Variants in GFPT1 observed in about 807,000 individuals in gnomAD.
GFPT1 encodes glutamine--fructose-6-phosphate transaminase 1.
GFPT1 carries 40 observed loss-of-function variants against 92.0 expected under a neutral mutation model. The observed-to-expected ratio is 0.43, with a 90% CI of 0.34 to 0.57. The LOEUF (loss-of-function observed/expected upper bound fraction) is 0.57. Ranked by LOEUF, GFPT1 falls within the 20% of genes least tolerant of loss-of-function variation. The pLI, the probability that GFPT1 is intolerant of heterozygous loss-of-function variation, is 0.02. For missense variants in GFPT1, 448 were observed against 869.1 expected (o/e 0.52, Z 6.09); for synonymous variants, 269 against 280.6 (o/e 0.96, Z 0.41).
intron 1 of GFPT1, among the ~76,000 whole-genome samples, chr2:69,374,957 A>C (rs955934520): frequency 3.9e-5 from 6 of 152,252 alleles, no homozygotes; most frequent in Admixed American, 3.9e-4. Flanking sequence ...CTTGTTCATC[A>C]CATTAGCAAA....
intron 1 of GFPT1, among the ~76,000 whole-genome samples, chr2:69,375,139 T>C (rs1485650270): frequency 1.3e-5 from 2 of 152,242 alleles, no homozygotes; most frequent in Admixed American, 1.3e-4. Context: ...ATGGGCATTA[T>C]CTGAGGTTTT....
intron 16 of GFPT1, 29 bp downstream of exon 16, chr2:69,329,655 A>T: frequency 6.9e-7 from 1 of 1,439,246 alleles, no homozygotes; most frequent in Non-Finnish European, 9.8e-7. Context: ...CTTAGACAAC[A>T]AAAGTGTAAT....
At chr2:69,377,889 A>G (rs1225042403) in intron 1 of GFPT1, among the ~76,000 whole-genome samples, 3 of 152,242 alleles carry the variant, frequency 2.0e-5, no homozygotes, top group Non-Finnish European at 2.9e-5. Context: ...TTCATCAGGT[A>G]CACAGGGCAT....
chr2:69,370,613 A>G (rs1334480358), intron 2 of GFPT1, among the ~76,000 whole-genome samples: 1 of 152,214 alleles, frequency 6.6e-6, no homozygotes, highest in South Asian at 2.1e-4. Flanking sequence ...AAACAAGTGT[A>G]GGGAAAGAAC....
rs199678034 is a variant in GFPT1, at chr2:69,326,167, G to C, written c.*22C>G. The C allele has an allele frequency of 4.0e-6, 6 of 1,511,352 alleles. No individual in the cohort carries two copies. In the African/African-American group the frequency reaches 8.3e-5, roughly 21 times the overall value. The allele number at this position is 1,511,352 out of a possible 1,614,324, so 93.6% of individuals were successfully genotyped here. ...TTGTGTTGCTTAATCATACAGTTTC[G>C]TACATTTTGTATAGATATTCCTCAC... is the stretch of plus-strand genomic sequence containing the variant. On this transcript the variant is annotated 3_prime_UTR_variant, in exon 20 of 20. Transcript: ENST00000357308.
intron 2 of GFPT1, among the ~76,000 whole-genome samples, chr2:69,370,479 C>T (rs1444328454): frequency 1.3e-5 from 2 of 152,180 alleles, no homozygotes; most frequent in African/African-American, 2.4e-5. Context: ...TCACAGAATA[C>T]ATCTCTTAAG....
In GFPT1 at chr2:69,348,348, A is replaced by G. The variant is rs373534126; in HGVS notation, c.846-14T>C. ...TCTATGACAGCACTATAAAGTTTTC[A>G]AGGAGATATTACAATCGATAACCAA... On this transcript the variant is annotated splice_polypyrimidine_tract_variant and intron_variant, in intron 10 of 19. Transcript: ENST00000357308. 1.2e-5 allele frequency: 19 copies of G among 1,594,648 alleles called. No homozygotes were observed. The highest frequency in any genetic ancestry group is 3.3e-5 in the Admixed American group (2 of 60,002).
At position 69,326,233 on chromosome 2, in the gene GFPT1, C is replaced by G; in HGVS notation, c.2056G>C (p.Val686Leu). Reference sequence around the variant, plus strand: ...TTGGCAAGATTCCGTGGGAAATCAACCTGCAAAAAGAAAAAAAAAAAAAGC... The same window carrying G: ...TTGGCAAGATTCCGTGGGAAATCAAGCTGCAAAAAGAAAAAAAAAAAAAGC... ...FHLAVLRGYD[V>L]DFPRNLAKSV... The change falls in exon 20 of 20, where the codon GTT (valine) becomes CTT (leucine). Residue 686 changes from valine to leucine, a missense_variant and splice_region_variant. Transcript: ENST00000357308. 3 of 1,541,072 alleles carry G rather than the reference C, an allele frequency of 1.9e-6. No homozygotes were observed. Among genetic ancestry groups the G allele is most frequent in the Non-Finnish European group, 2.6e-6 (3 of 1,148,010 alleles).
At chr2:69,369,241 T>C (rs1039855504) in intron 3 of GFPT1, among the ~76,000 whole-genome samples, 3 of 151,994 alleles carry the variant, frequency 2.0e-5, no homozygotes, top group Admixed American at 1.3e-4. Context: ...GTATGGCTTA[T>C]GTGGGAAAAA....
chr2:69,365,509 G>A (rs1426100270), intron 3 of GFPT1, among the ~76,000 whole-genome samples: 1 of 152,018 alleles, frequency 6.6e-6, no homozygotes, highest in Non-Finnish European at 1.5e-5. Context: ...AAACCACAAT[G>A]GTATATTCTA....
rs1330636945 is a variant in GFPT1, at chr2:69,342,307, T to A, written c.1106-58A>T. 45 of 1,031,534 alleles carry A rather than the reference T, an allele frequency of 4.4e-5. 1 individual carries two copies. In the South Asian group the frequency reaches 5.1e-4, roughly 12 times the overall value. 63.9% of individuals were successfully genotyped at this position (1,031,534 alleles called of 1,614,324 possible). A position where few individuals can be genotyped will look rare whatever the true frequency, so the allele number is the denominator to read the frequency against. On this transcript the variant is annotated intron_variant, in intron 12 of 19. Coordinates refer to ENST00000357308, the MANE Select transcript of GFPT1 (RefSeq NM_001244710.2). ...GCAAAGAACCATGTGAACTAGGCAA[T>A]CGCATTTTGTGAGTATCCACTGCCA...
In GFPT1 at chr2:69,337,826, TAGTCTAC is replaced by T. The variant is rs1219317478; in HGVS notation, c.1482+65_1482+71del. 2.5e-6 allele frequency: 3 copies of T among 1,178,192 alleles called. No individual in the cohort carries two copies. The African/African-American group carries it at 4.5e-5, about 18-fold the overall frequency. The allele number at this position is 1,178,192 out of a possible 1,614,324, so 73.0% of individuals were successfully genotyped here. A position where few individuals can be genotyped will look rare whatever the true frequency, so the allele number is the denominator to read the frequency against. On this transcript the variant is annotated intron_variant, in intron 15 of 19. Transcript: ENST00000357308. ...CTGCTAACAAAAATAAGATACAGAC[TAGTCTAC>T]AGACTAGTCTGCTTCACTGACACTA...
chr2:69,376,937 G>A (rs1043266929), intron 1 of GFPT1, among the ~76,000 whole-genome samples: 2 of 151,908 alleles, frequency 1.3e-5, no homozygotes, highest in African/African-American at 4.8e-5. Context: ...CGGCAGGGCT[G>A]GGTGGCTCAC....
At chr2:69,351,744 AT>A (rs1356309448) in intron 9 of GFPT1, among the ~76,000 whole-genome samples, 1 of 152,252 alleles carries the variant, frequency 6.6e-6, no homozygotes, top group African/African-American at 2.4e-5. Flanking sequence ...AAACTGAAAA[AT>A]AAATGTAAGA....
At chr2:69,348,706 G>A (rs573382433) in intron 10 of GFPT1, among the ~76,000 whole-genome samples, 1 of 152,020 alleles carries the variant, frequency 6.6e-6, no homozygotes, top group Non-Finnish European at 1.5e-5. Flanking sequence ...CTACTGCAGC[G>A]ATCTCCCAAT....
intron 2 of GFPT1, among the ~76,000 whole-genome samples, chr2:69,371,070 T>C (rs1671734452): frequency 6.7e-6 from 1 of 148,782 alleles, no homozygotes. Context: ...ATTTTTCTTT[T>C]CTTTTCTTTT....
chr2:69,379,243 A>C (rs562675137), intron 1 of GFPT1, among the ~76,000 whole-genome samples: 104 of 152,152 alleles, frequency 6.8e-4, no homozygotes, highest in Admixed American at 1.5e-3. Context: ...AAATTTTTCT[A>C]CAGGCCAGGC....
chr2:69,333,306 A>AAAC (rs1269053867), intron 15 of GFPT1, among the ~76,000 whole-genome samples: 1 of 152,270 alleles, frequency 6.6e-6, no homozygotes, highest in Non-Finnish European at 1.5e-5. Context: ...GTTATTCTAC[A>AAAC]AACTAGTGTT....
chr2:69,382,363 T>C (rs1270548489), intron 1 of GFPT1, among the ~76,000 whole-genome samples: 2 of 152,214 alleles, frequency 1.3e-5, no homozygotes, highest in Non-Finnish European at 2.9e-5. Flanking sequence ...ACTTCAGGGC[T>C]TGTAGGTCAG....
Sources: allele counts gnomAD v4.1 joint callset (sites outside exome capture counted in the v4.1 genomes callset), GRCh38; gene constraint gnomAD v4.1.1; transcripts MANE v1.5; gene names NCBI Gene and HGNC (gene_info 2026-07-23, HGNC 2026-07-21).